Variants in SCLY observed in about 807,000 individuals in gnomAD.
SCLY encodes putative selenocysteine lyase.
In SCLY, 38 loss-of-function variants were observed where a neutral mutation model predicts 50.1. That is an observed-to-expected ratio of 0.76 (90% CI 0.59 to 0.99). The LOEUF (loss-of-function observed/expected upper bound fraction) is 0.99, where lower values mean the gene tolerates loss of function less well. SCLY is among the 50% of genes least tolerant of loss of function. The pLI, the probability that SCLY is intolerant of heterozygous loss-of-function variation, is 0.00. For synonymous variants in SCLY, 243 were observed against 249.4 expected (o/e 0.97, Z 0.24); for missense variants, 600 against 620.0 (o/e 0.97, Z 0.34).
chr2:238,091,560 G>GACTA, intron 8 of SCLY: 1 of 313,494 alleles, frequency 3.2e-6, no homozygotes, highest in Non-Finnish European at 6.1e-6. Flanking sequence ...CATTCCCAAA[G>GACTA]GCGTCGGCAG....
chr2:238,076,574 G>T (rs1197748650), intron 4 of SCLY, among the ~76,000 whole-genome samples: 2 of 145,848 alleles, frequency 1.4e-5, no homozygotes, highest in Non-Finnish European at 3.0e-5. Context: ...GTATTGTTCT[G>T]CGGAAGGCCG....
At chr2:238,086,708 TAAAAAAA>T (rs386393003) in intron 7 of SCLY, among the ~76,000 whole-genome samples, 17 of 97,710 alleles carry the variant, frequency 1.7e-4, no homozygotes, top group Non-Finnish European at 2.9e-4. Context: ...CCTGTCTCTT[TAAAAAAA>T]AAAAAAAAAA....
rs1233607832 is a variant in SCLY at position 238,077,599 on chromosome 2, C to T, written c.485-4110C>T. ...CATAAACCATAAATACAAAGCTTTC[C>T]CTTACCAAAATAGCTTAACTCCCTT... On this transcript the variant is annotated intron_variant, in intron 4 of 11. Transcript: ENST00000254663. Among the ~76,000 whole-genome samples the T allele has an allele frequency of 2.0e-5, 3 of 152,184 alleles. No homozygotes were observed. In the East Asian group the frequency reaches 5.8e-4, roughly 29 times the overall value.
chr2:238,065,322 C>T (rs1362730234), intron 2 of SCLY, among the ~76,000 whole-genome samples: 1 of 152,150 alleles, frequency 6.6e-6, no homozygotes, highest in Non-Finnish European at 1.5e-5. Flanking sequence ...TGCACATTGC[C>T]TCGTATCCAG....
At chr2:238,078,287 C>CT (rs945884884) in intron 4 of SCLY, among the ~76,000 whole-genome samples, 2 of 152,096 alleles carry the variant, frequency 1.3e-5, no homozygotes, top group African/African-American at 4.8e-5. Context: ...CAGCCTCTGC[C>CT]TTTTTATTAG....
intron 5 of SCLY, 40 bp from the exon 6 acceptor site, chr2:238,082,005 G>T: frequency 6.3e-7 from 1 of 1,597,522 alleles, no homozygotes; most frequent in Non-Finnish European, 8.6e-7. Context: ...GTTTTCATCA[G>T]ATCGGAGCAA....
chr2:238,064,844 T>C (rs1444516833), intron 2 of SCLY: 1 of 154,076 alleles, frequency 6.5e-6, no homozygotes, highest in African/African-American at 2.4e-5. Flanking sequence ...CAGGATAACA[T>C]ATAATCCTGG....
At chr2:238,079,073 T>G (rs1311329084) in intron 4 of SCLY, 2 of 106,632 alleles carry the variant, frequency 1.9e-5, no homozygotes, top group African/African-American at 4.1e-5. Context: ...TTTTTCTTTT[T>G]TTTTTTTTTT....
At chr2:238,071,792 G>A (rs1055532453) in intron 4 of SCLY, among the ~76,000 whole-genome samples, 1 of 152,134 alleles carries the variant, frequency 6.6e-6, no homozygotes, top group Non-Finnish European at 1.5e-5. Flanking sequence ...CATCCTCAAT[G>A]TAAAAATAAG....
chr2:238,083,920 T>C lies in SCLY; in HGVS notation c.884+566T>C, dbSNP rs1291787524. Among the ~76,000 whole-genome samples, 2 of 152,348 alleles carry C rather than the reference T, an allele frequency of 1.3e-5. No individual in the cohort carries two copies. Among genetic ancestry groups the C allele is most frequent in the Non-Finnish European group, 2.9e-5 (2 of 68,032 alleles). On this transcript the variant is annotated intron_variant, in intron 7 of 11. Transcript: ENST00000254663. The surrounding 1 kb of genome is among the most constrained non-coding windows in gnomAD (Gnocchi z 4.3). ...GCTGAAGAAGCCGGCAAACCTGATA[T>C]GCTAGTAAGGGCAGACACAAAAATG...
intron 1 of SCLY, among the ~76,000 whole-genome samples, chr2:238,061,710 G>C (rs1162672876): frequency 2.6e-5 from 4 of 152,168 alleles, no homozygotes; most frequent in Non-Finnish European, 5.9e-5. Context: ...TGCGTTGGTA[G>C]GAAGCTGGTG....
In SCLY at chr2:238,066,601, T is replaced by A. The variant is rs1345211939; in HGVS notation, c.203-1464T>A. On this transcript the variant is annotated intron_variant, in intron 2 of 11. Transcript: ENST00000254663. The surrounding 1 kb of genome is among the most constrained non-coding windows in gnomAD (Gnocchi z 4.1). ...CTTGGCTTGGTTGGTGGCTGGGCGG[T>A]GGAGAGGCAGAGTCAGGTTTGGAAC... Among the ~76,000 whole-genome samples, 1 of 151,992 alleles carries A rather than the reference T, an allele frequency of 6.6e-6. No individual in the cohort carries two copies. The highest frequency in any genetic ancestry group is 2.4e-5 in the African/African-American group (1 of 41,348).
At chr2:238,088,647 T>C (rs968749620) in intron 7 of SCLY, among the ~76,000 whole-genome samples, 43 of 152,226 alleles carry the variant, frequency 2.8e-4, no homozygotes, top group African/African-American at 1.0e-3. Context: ...TAATCTACCA[T>C]ATTAACAAGC....
At chr2:238,082,241 G>A (rs1227748833) in intron 6 of SCLY, 32 bp downstream of exon 6, 2 of 1,556,894 alleles carry the variant, frequency 1.3e-6, no homozygotes, top group African/African-American at 1.4e-5. Flanking sequence ...GCCTCTGTGG[G>A]CAGAGCCTAC....
At position 238,069,624 on chromosome 2, in the gene SCLY, G is replaced by A; in HGVS notation, c.484+147G>A. Reference sequence around the variant, plus strand: ...GTAACTCACTGGTTCTGATGAGGAGGCAGGCCCTGGCACCTTGGTGAATAG... The same window carrying A: ...GTAACTCACTGGTTCTGATGAGGAGACAGGCCCTGGCACCTTGGTGAATAG... On this transcript the variant is annotated intron_variant, in intron 4 of 11. Transcript: ENST00000254663. The surrounding 1 kb of genome is among the most constrained non-coding windows in gnomAD (Gnocchi z 5.0). 1 of 705,778 alleles carries A rather than the reference G, an allele frequency of 1.4e-6. No homozygotes were observed. Among genetic ancestry groups the A allele is most frequent in the Non-Finnish European group, 2.2e-6 (1 of 456,404 alleles). 43.7% of individuals were successfully genotyped at this position (705,778 alleles called of 1,614,324 possible). A position where few individuals can be genotyped will look rare whatever the true frequency, so the allele number is the denominator to read the frequency against.
At position 238,098,647 on chromosome 2, in the gene SCLY, G is replaced by GGGACCGCCCACATAGAACCGTCCACATA. The variant is rs1559254914; in HGVS notation, c.*315_*316insACATAGGACCGCCCACATAGAACCGTCC. ...ACCGCCCACATGGGACCGCCCACAT[G>GGGACCGCCCACATAGAACCGTCCACATA]GGACCGCCCACATAGAACCGTCCTC... On this transcript the variant is annotated 3_prime_UTR_variant, in exon 12 of 12. Transcript: ENST00000254663. 5 of 200,338 alleles carry GGGACCGCCCACATAGAACCGTCCACATA rather than the reference G, an allele frequency of 2.5e-5. No individual in the cohort carries two copies. Among genetic ancestry groups the GGGACCGCCCACATAGAACCGTCCACATA allele is most frequent in the Middle Eastern group, 1.1e-3 (1 of 906 alleles). The allele number at this position is 200,338 out of a possible 1,614,324, so 12.4% of individuals were successfully genotyped here. A position where few individuals can be genotyped will look rare whatever the true frequency, so the allele number is the denominator to read the frequency against.
At position 238,098,633 on chromosome 2, in the gene SCLY, G is replaced by GGGAACGCCCACATAGAACCGCCCACATA. The variant is rs1559254772; in HGVS notation, c.*281_*282insACGCCCACATAGAACCGCCCACATAGGA. The GGGAACGCCCACATAGAACCGCCCACATA allele has an allele frequency of 8.4e-4, 193 of 230,710 alleles. 4 individuals are homozygous for GGGAACGCCCACATAGAACCGCCCACATA. The highest frequency in any genetic ancestry group is 1.0e-3 in the Non-Finnish European group (132 of 125,818). The allele number at this position is 230,710 out of a possible 1,614,324, so 14.3% of individuals were successfully genotyped here. ...ACCGCCCACATGGGACCGCCCACAT[G>GGGAACGCCCACATAGAACCGCCCACATA]GGACCGCCCACATGGGACCGCCCAC... On this transcript the variant is annotated 3_prime_UTR_variant, in exon 12 of 12. Coordinates refer to ENST00000254663, the MANE Select transcript of SCLY (RefSeq NM_016510.7).
rs1277612140 is a variant in SCLY at position 238,066,875 on chromosome 2, G to C, written c.203-1190G>C. 6.6e-6 allele frequency among the ~76,000 whole-genome samples: 1 copy of C among 152,220 alleles called. No homozygotes were observed. The highest frequency in any genetic ancestry group is 1.5e-5 in the Non-Finnish European group (1 of 68,040). On this transcript the variant is annotated intron_variant, in intron 2 of 11. Coordinates refer to ENST00000254663, the MANE Select transcript of SCLY (RefSeq NM_016510.7). This position sits in a 1 kb window ranked among gnomAD's most constrained non-coding sequence, Gnocchi z 4.1. ...CCCACAATCACGGAGGAAGGCGAAA[G>C]AGGAGCAAAGTCACATCTTACATGG...
intron 4 of SCLY, among the ~76,000 whole-genome samples, chr2:238,077,600 C>T (rs992028313): frequency 6.6e-6 from 1 of 152,228 alleles, no homozygotes; most frequent in South Asian, 2.1e-4. Context: ...AAAGCTTTCC[C>T]TTACCAAAAT....
Sources: allele counts gnomAD v4.1 joint callset (sites outside exome capture counted in the v4.1 genomes callset), GRCh38; gene constraint gnomAD v4.1.1; non-coding constraint Gnocchi (gnomAD v3.1); transcripts MANE v1.5; gene names NCBI Gene and HGNC (gene_info 2026-07-23, HGNC 2026-07-21).